Variants in KCNQ5 observed in about 807,000 individuals in gnomAD.
KCNQ5 encodes potassium voltage-gated channel subfamily KQT member 5.
Under a neutral mutation model 98.2 loss-of-function variants are expected in KCNQ5, and 30 were observed. The observed-to-expected ratio is 0.31, with a 90% CI of 0.23 to 0.41. The LOEUF is 0.41. Ranked by LOEUF, KCNQ5 falls within the 10% of genes least tolerant of loss-of-function variation. The pLI is 1.00. For missense variants in KCNQ5, 835 were observed against 1,182.5 expected (o/e 0.71, Z 4.31); for synonymous variants, 458 against 449.4 (o/e 1.02, Z -0.24).
intron 1 of KCNQ5, among the ~76,000 whole-genome samples, chr6:72,657,305 C>T (rs1011981652): frequency 9.9e-5 from 15 of 152,210 alleles, no homozygotes; most frequent in African/African-American, 3.6e-4. Context: ...GTTTTAGCCT[C>T]TACACAAATA....
At chr6:72,937,258 G>C (rs1016292992) in intron 1 of KCNQ5, among the ~76,000 whole-genome samples, 1 of 152,114 alleles carries the variant, frequency 6.6e-6, no homozygotes, top group Non-Finnish European at 1.5e-5. Flanking sequence ...ACTTGCTCCT[G>C]TGTGATATTC....
At chr6:72,930,844 T>A (rs1006211140) in intron 1 of KCNQ5, among the ~76,000 whole-genome samples, 2 of 152,182 alleles carry the variant, frequency 1.3e-5, no homozygotes, top group African/African-American at 4.8e-5. Flanking sequence ...CTTGTTTAAA[T>A]TAAATCTGCT....
At chr6:72,839,247 C>T (rs1776677454) in intron 1 of KCNQ5, among the ~76,000 whole-genome samples, 1 of 152,040 alleles carries the variant, frequency 6.6e-6, no homozygotes, top group Admixed American at 6.5e-5. Context: ...TGGAAATTGT[C>T]TTGGTATACT....
intron 10 of KCNQ5, among the ~76,000 whole-genome samples, chr6:73,168,296 G>A (rs1582478033): frequency 6.6e-6 from 1 of 152,210 alleles, no homozygotes; most frequent in African/African-American, 2.4e-5. Flanking sequence ...CCATGGCAAA[G>A]TCTTTTCCTT....
At chr6:72,946,605 T>A (rs1766558257) in intron 1 of KCNQ5, among the ~76,000 whole-genome samples, 1 of 152,178 alleles carries the variant, frequency 6.6e-6, no homozygotes, top group African/African-American at 2.4e-5. Context: ...CCTACAAAAA[T>A]TTTTGTACAA....
At chr6:72,625,058 G>A (rs1175813463) in intron 1 of KCNQ5, among the ~76,000 whole-genome samples, 1 of 152,164 alleles carries the variant, frequency 6.6e-6, no homozygotes, top group African/African-American at 2.4e-5. Context: ...GCATATTAAG[G>A]TTCTTGCCAA....
intron 2 of KCNQ5, among the ~76,000 whole-genome samples, chr6:73,026,938 C>T (rs751972268): frequency 8.5e-5 from 13 of 152,098 alleles, no homozygotes; most frequent in Non-Finnish European, 8.8e-5. Context: ...ATCCCCTGGG[C>T]TCTGCTGAAT....
chr6:72,648,790 TA>T (rs66478642), intron 1 of KCNQ5, among the ~76,000 whole-genome samples: 17,384 of 117,922 alleles, frequency 0.15, 2,927 homozygotes, highest in African/African-American at 0.42. Flanking sequence ...TTTTTTTTTT[TA>T]ATTCTCAGAG....
intron 1 of KCNQ5, among the ~76,000 whole-genome samples, chr6:72,626,554 A>T (rs1271206036): frequency 6.6e-6 from 1 of 152,204 alleles, no homozygotes; most frequent in Non-Finnish European, 1.5e-5. Flanking sequence ...AATGGTGATA[A>T]TCAGGGGAAT....
chr6:73,064,102 G>A lies in KCNQ5; in HGVS notation c.617-13220G>A, dbSNP rs1044387003. On this transcript the variant is annotated intron_variant, in intron 3 of 13. Transcript: ENST00000370398. Reference sequence around the variant, plus strand: ...GCTAAGTGACGTTTCATCTCAAGTGGCATCTCCATTGTAACATCCGAGTAA... The same window carrying A: ...GCTAAGTGACGTTTCATCTCAAGTGACATCTCCATTGTAACATCCGAGTAA... Among the ~76,000 whole-genome samples, 4 of 152,116 alleles carry A rather than the reference G, an allele frequency of 2.6e-5. No individual in the cohort carries two copies. The East Asian group carries it at 7.7e-4, about 29-fold the overall frequency.
intron 1 of KCNQ5, among the ~76,000 whole-genome samples, chr6:72,777,679 A>G (rs1002280420): frequency 1.1e-4 from 16 of 152,230 alleles, no homozygotes; most frequent in African/African-American, 3.4e-4. Context: ...CCCTACACAC[A>G]TATAATCAAG....
At chr6:73,110,912 G>T (rs1414804856) in intron 6 of KCNQ5, among the ~76,000 whole-genome samples, 1 of 152,110 alleles carries the variant, frequency 6.6e-6, no homozygotes, top group Non-Finnish European at 1.5e-5. Context: ...TGAAATTCAT[G>T]TTCTCTACAT....
intron 10 of KCNQ5, among the ~76,000 whole-genome samples, chr6:73,134,486 C>G (rs9442892): frequency 0.13 from 19,901 of 152,172 alleles, 2,331 homozygotes; most frequent in African/African-American, 0.3. Flanking sequence ...CCCAGGCCCT[C>G]AAAGCTCGAG....
intron 1 of KCNQ5, among the ~76,000 whole-genome samples, chr6:72,924,411 C>A (rs1780534953): frequency 6.6e-6 from 1 of 152,118 alleles, no homozygotes; most frequent in Admixed American, 6.6e-5. Context: ...TCACCAAAAT[C>A]CCACTTAGAG....
chr6:72,869,346 G>C (rs751946816), intron 1 of KCNQ5, among the ~76,000 whole-genome samples: 1 of 152,114 alleles, frequency 6.6e-6, no homozygotes, highest in Non-Finnish European at 1.5e-5. Context: ...CTACAGGCGA[G>C]GGTCATTGAC....
chr6:72,689,063 A>G (rs1582118107), intron 1 of KCNQ5, among the ~76,000 whole-genome samples: 1 of 152,324 alleles, frequency 6.6e-6, no homozygotes, highest in East Asian at 1.9e-4. Context: ...TACTCATTCA[A>G]AGTTCTTGCA....
At chr6:73,006,366 G>GC (rs1769813418) in intron 2 of KCNQ5, among the ~76,000 whole-genome samples, 1 of 151,960 alleles carries the variant, frequency 6.6e-6, no homozygotes, top group Admixed American at 6.6e-5. Context: ...TAAAATGCTT[G>GC]CAAGACCAGG....
intron 2 of KCNQ5, among the ~76,000 whole-genome samples, chr6:73,025,438 A>G (rs545717954): frequency 2.0e-5 from 3 of 152,244 alleles, no homozygotes; most frequent in Non-Finnish European, 4.4e-5. Flanking sequence ...CCTGCCTAAC[A>G]TGGCGAAACC....
At chr6:72,887,998 T>C (rs993771005) in intron 1 of KCNQ5, among the ~76,000 whole-genome samples, 39 of 152,170 alleles carry the variant, frequency 2.6e-4, no homozygotes, top group Middle Eastern at 3.4e-3. Context: ...ACATTAATAT[T>C]AAAAATAAAA....
Sources: gnomAD v4.1 joint callset for allele counts (sites outside exome capture counted in the v4.1 genomes callset) on GRCh38, gnomAD v4.1.1 for gene constraint, MANE v1.5 for transcripts, NCBI Gene and HGNC (gene_info 2026-07-23, HGNC 2026-07-21) for gene names.